The following DNAAF9 variants were observed in gnomAD, a reference collection of about 807,000 sequenced individuals.
The protein encoded by DNAAF9 is dynein axonemal assembly factor 9, also known as shulin.
DNAAF9 carries 90 observed loss-of-function variants against 167.0 expected under a neutral mutation model. That is an observed-to-expected ratio of 0.54 (90% CI 0.45 to 0.64). The LOEUF is 0.64. Ranked by LOEUF, DNAAF9 falls within the 30% of genes least tolerant of loss-of-function variation. The probability of loss-of-function intolerance (pLI) is 0.00; values close to 1 mark genes in which losing one functional copy is unlikely to be tolerated. For synonymous variants in DNAAF9, 491 were observed against 508.8 expected, an observed-to-expected ratio of 0.96 and a Z score of 0.47; for missense variants, 1,315 against 1,442.2, an observed-to-expected ratio of 0.91 and a Z score of 1.43.
chr20:3,333,024 A>G (rs983272541), intron 10 of DNAAF9, among the ~76,000 whole-genome samples: 1 of 152,006 alleles, frequency 6.6e-6, no homozygotes, highest in Non-Finnish European at 1.5e-5. Context: ...AGAAGGAAAA[A>G]GGAAGCAAGG....
intron 6 of DNAAF9, chr20:3,362,019 G>A: frequency 1.3e-6 from 2 of 1,505,650 alleles, no homozygotes; most frequent in Non-Finnish European, 9.2e-7. Context: ...TATGGCTCTT[G>A]GGTCCACCAC....
intron 10 of DNAAF9, among the ~76,000 whole-genome samples, chr20:3,336,265 T>TG (rs1480128325): frequency 6.9e-5 from 10 of 144,874 alleles, no homozygotes; most frequent in African/African-American, 2.8e-4. Flanking sequence ...TTTGTTTTTT[T>TG]TTTTTTTTTT....
At chr20:3,390,709 C>T (rs1239154474) in intron 1 of DNAAF9, among the ~76,000 whole-genome samples, 3 of 151,960 alleles carry the variant, frequency 2.0e-5, no homozygotes, top group African/African-American at 4.8e-5. Flanking sequence ...AATAAAAATA[C>T]GGGGGTGAGA....
chr20:3,265,515 C>T lies in DNAAF9; in HGVS notation c.2787-991G>A, dbSNP rs2068473341. Among the ~76,000 whole-genome samples the T allele has an allele frequency of 3.2e-5, 4 of 126,558 alleles. No individual in the cohort carries two copies. In the South Asian group the frequency reaches 1.1e-3, roughly 35 times the overall value. The allele number at this position is 126,558 out of a possible 152,430, so 83.0% of individuals were successfully genotyped here. ...CCAGGAGGTGGAGAGGTGGAGGTTG[C>T]AGTGAGACGAGATCACGCCACTGCA... On this transcript the variant is annotated intron_variant, in intron 30 of 36. Transcript: ENST00000252032.
At chr20:3,310,620 G>A (rs1295485741) in intron 20 of DNAAF9, among the ~76,000 whole-genome samples, 1 of 151,990 alleles carries the variant, frequency 6.6e-6, no homozygotes, top group Non-Finnish European at 1.5e-5. Context: ...GGGAGGTAGA[G>A]GCTGCAGTGA....
At chr20:3,354,979 G>A (rs1254010102) in intron 7 of DNAAF9, among the ~76,000 whole-genome samples, 1 of 152,086 alleles carries the variant, frequency 6.6e-6, no homozygotes, top group Non-Finnish European at 1.5e-5. Context: ...ATGCTCTCCC[G>A]AGTGGACCCT....
At chr20:3,391,288 C>T (rs922903993) in intron 1 of DNAAF9, among the ~76,000 whole-genome samples, 8 of 151,786 alleles carry the variant, frequency 5.3e-5, no homozygotes, top group Non-Finnish European at 1.2e-4. Flanking sequence ...AACCATGAAA[C>T]GTGTCACTTA....
At chr20:3,295,211 C>T (rs1387255193) in intron 23 of DNAAF9, among the ~76,000 whole-genome samples, 1 of 146,444 alleles carries the variant, frequency 6.8e-6, no homozygotes, top group Non-Finnish European at 1.5e-5. Context: ...CTGGCTCTGT[C>T]ACCCAGGCTG....
chr20:3,333,448 T>A (rs766727735), intron 10 of DNAAF9, among the ~76,000 whole-genome samples: 2 of 152,224 alleles, frequency 1.3e-5, no homozygotes, highest in African/African-American at 2.4e-5. Flanking sequence ...TTTACTCAAT[T>A]GTTTAAGACA....
At position 3,250,345 on chromosome 20, in the gene DNAAF9, G is replaced by A. The variant is rs750165654; in HGVS notation, c.*2227C>T. The stretch of plus-strand genomic sequence containing the variant: ...GTCCTCAAAGAGCTCACAGTGCACC[G>A]CGGGTGTGCCTTATCAGTGGGGCAG... On this transcript the variant is annotated 3_prime_UTR_variant, in exon 37 of 37. Transcript: ENST00000252032. 7.9e-5 allele frequency: 12 copies of A among 152,240 alleles called. No individual in the cohort carries two copies. The highest frequency in any genetic ancestry group is 7.3e-5 in the Non-Finnish European group (5 of 68,068). The allele number at this position is 152,240 out of a possible 1,614,324, so 9.4% of individuals were successfully genotyped here. A position where few individuals can be genotyped will look rare whatever the true frequency, so the allele number is the denominator to read the frequency against.
At chr20:3,327,375 G>A (rs1439333334) in intron 12 of DNAAF9, among the ~76,000 whole-genome samples, 2 of 152,130 alleles carry the variant, frequency 1.3e-5, no homozygotes, top group African/African-American at 2.4e-5. Flanking sequence ...AGTGGGGAAA[G>A]ATGGGGGAGG....
intron 1 of DNAAF9, among the ~76,000 whole-genome samples, chr20:3,405,374 G>A (rs995952372): frequency 2.0e-5 from 3 of 152,166 alleles, no homozygotes; most frequent in African/African-American, 7.2e-5. Flanking sequence ...TCAGCAGTCA[G>A]CAGCAAAGCC....
chr20:3,306,208 C>A (rs1294143803), intron 20 of DNAAF9, among the ~76,000 whole-genome samples: 2 of 152,168 alleles, frequency 1.3e-5, no homozygotes, highest in African/African-American at 4.8e-5. Context: ...ATCTCCAGCC[C>A]AGCAACTACT....
chr20:3,345,090 C>T (rs1381110470), intron 8 of DNAAF9, among the ~76,000 whole-genome samples: 1 of 152,122 alleles, frequency 6.6e-6, no homozygotes, highest in African/African-American at 2.4e-5. Context: ...ATGATTTCAG[C>T]TTACTGCAAC....
chr20:3,374,086 C>T lies in DNAAF9; in HGVS notation c.574G>A (p.Gly192Ser). The T allele has an allele frequency of 1.2e-6, 2 of 1,613,558 alleles. No individual in the cohort carries two copies. Among genetic ancestry groups the T allele is most frequent in the Non-Finnish European group, 1.7e-6 (2 of 1,179,520 alleles). The change falls in exon 6 of 37, where the codon GGC (glycine) becomes AGC (serine). Residue 192 changes from glycine to serine, a missense_variant. This residue lies in a region of DNAAF9 where 981 missense variants were observed against 1,012.5 expected (regional missense o/e 0.97). Transcript: ENST00000252032. ...GTAAAAAATCCATCCCCTCCAATGCCCTCAAGTGCAAAGGCCTGTACAATT... is the reference window on the plus strand; with the variant it reads ...GTAAAAAATCCATCCCCTCCAATGCTCTCAAGTGCAAAGGCCTGTACAATT... ...WPIVQAFALEGIGGDGFFTMK... is the reference protein window; with the variant it reads ...WPIVQAFALESIGGDGFFTMK...
chr20:3,357,163 T>A (rs1356719416), intron 7 of DNAAF9, among the ~76,000 whole-genome samples: 1 of 152,158 alleles, frequency 6.6e-6, no homozygotes, highest in East Asian at 1.9e-4. Flanking sequence ...TGATATGTAG[T>A]GTTTTCATTA....
intron 10 of DNAAF9, among the ~76,000 whole-genome samples, chr20:3,335,757 C>CA (rs151182468): frequency 0.01 from 1,026 of 98,208 alleles, 24 homozygotes; most frequent in East Asian, 0.037. Flanking sequence ...AACTCCGTCT[C>CA]AAAAAAAAAA....
chr20:3,287,753 A>G lies in DNAAF9; in HGVS notation c.2365T>C (p.Cys789Arg), dbSNP rs1600710586. 1 of 1,614,200 alleles carries G rather than the reference A, an allele frequency of 6.2e-7. No individual in the cohort carries two copies. Among genetic ancestry groups the G allele is most frequent in the Non-Finnish European group, 8.5e-7 (1 of 1,180,030 alleles). Reference sequence around the variant, plus strand: ...CTCTGGAAGTGTGCAGCATGAAAACATTCAGAGCTGTCCATGATTTGGCGA... The same window carrying G: ...CTCTGGAAGTGTGCAGCATGAAAACGTTCAGAGCTGTCCATGATTTGGCGA... ...VYRQIMDSSE[C>R]FHAAHFQRYL... The change falls in exon 27 of 37, where the codon TGT becomes CGT. Residue 789 changes from cysteine (C) to arginine (R), a missense_variant. Around this residue, in one of 2 missense-constraint regions of DNAAF9, gnomAD observed 981 missense variants for 1,012.5 expected, o/e 0.97. Transcript: ENST00000252032.
chr20:3,319,262 CAAAAAAAA>C (rs57727958), intron 16 of DNAAF9, among the ~76,000 whole-genome samples: 2 of 41,558 alleles, frequency 4.8e-5, no homozygotes, highest in Admixed American at 4.0e-4. Flanking sequence ...GACCCCGTCT[CAAAAAAAA>C]AAAAAAAAAA....
Sources: gnomAD v4.1 joint callset for allele counts (sites outside exome capture counted in the v4.1 genomes callset) on GRCh38, gnomAD v4.1.1 for gene constraint, gnomAD v4.1.1 regional missense constraint, MANE v1.5 for transcripts, NCBI Gene and HGNC (gene_info 2026-07-23, HGNC 2026-07-21) for gene names.